CRACD: variants seen among roughly 807,000 people sequenced by gnomAD.
CRACD encodes the protein capping protein inhibiting regulator of actin dynamics.
Under a neutral mutation model 106.8 loss-of-function variants are expected in CRACD, and 56 were observed. The observed-to-expected ratio is 0.52, with a 90% CI of 0.42 to 0.66. The LOEUF (loss-of-function observed/expected upper bound fraction) is 0.66, where lower values mean the gene tolerates loss of function less well. Ranked by LOEUF, CRACD falls within the 30% of genes least tolerant of loss-of-function variation. The pLI, the probability that CRACD is intolerant of heterozygous loss-of-function variation, is 0.00. For missense variants in CRACD, 1,730 were observed against 1,623.2 expected (o/e 1.07, Z -1.13); for synonymous variants, 754 against 670.8 (o/e 1.12, Z -1.92).
chr4:56,076,544 T>C (rs919631372), intron 1 of CRACD, among the ~76,000 whole-genome samples: 1 of 152,352 alleles, frequency 6.6e-6, no homozygotes, highest in East Asian at 1.9e-4. Context: ...AATTTGAACC[T>C]CAGAATTGCT....
Position 56,324,254 on chromosome 4 carries a change from A to G in CRACD, c.3529A>G (p.Thr1177Ala). The G allele has an allele frequency of 1.9e-6, 3 of 1,613,150 alleles. No individual in the cohort carries two copies. The highest frequency in any genetic ancestry group is 1.7e-5 in the Admixed American group (1 of 59,918). Residue 1177 changes from threonine (T) to alanine (A), a missense_variant, in exon 10 of 11, where the codon ACG (threonine) becomes GCG (alanine). Physicochemically the swap from Thr to Ala is moderately conservative, Grantham distance 58. Coordinates refer to ENST00000682029, the MANE Select transcript of CRACD (RefSeq NM_001393381.1). ...EQLKKANTLP[T>A]SVTVEISDSA... ...GCTGAAAAAGGCCAATACTCTTCCT[A>G]CGTCTGTGACAGGTAGAGAGCAGGT...
intron 3 of CRACD, among the ~76,000 whole-genome samples, chr4:56,292,044 G>C (rs1410690158): frequency 6.6e-6 from 1 of 152,198 alleles, no homozygotes; most frequent in Non-Finnish European, 1.5e-5. Context: ...TAAAAATGCT[G>C]ATAGTTATAT....
intron 2 of CRACD, chr4:56,216,010 G>A (rs1452395330): frequency 6.6e-6 from 1 of 152,202 alleles, no homozygotes; most frequent in African/African-American, 2.4e-5. Context: ...GCCCACTGAC[G>A]GGAGTAGCCC....
At chr4:56,279,589 A>G (rs571614404) in intron 3 of CRACD, among the ~76,000 whole-genome samples, 1 of 152,310 alleles carries the variant, frequency 6.6e-6, no homozygotes, top group South Asian at 2.1e-4. Flanking sequence ...CAAAACCACA[A>G]TGAGATACCA....
intron 3 of CRACD, among the ~76,000 whole-genome samples, chr4:56,289,786 T>A (rs1743600161): frequency 6.6e-6 from 1 of 152,196 alleles, no homozygotes; most frequent in Non-Finnish European, 1.5e-5. Flanking sequence ...TCCTTTCTTG[T>A]CGTGATCTAG....
Position 56,284,292 on chromosome 4 carries a change from T to TAAAAAAAAA in CRACD, c.-17+11818_-17+11826dup, listed in dbSNP as rs59270238. Among the ~76,000 whole-genome samples the TAAAAAAAAA allele has an allele frequency of 8.1e-3, 368 of 45,454 alleles. 40 individuals carry two copies. The highest frequency in any genetic ancestry group is 0.029 in the East Asian group (24 of 832). 29.8% of individuals were successfully genotyped at this position (45,454 alleles called of 152,430 possible). A position where few individuals can be genotyped will look rare whatever the true frequency, so the allele number is the denominator to read the frequency against. On this transcript the variant is annotated intron_variant, in intron 3 of 10. Coordinates refer to ENST00000682029, the MANE Select transcript of CRACD (RefSeq NM_001393381.1). ...AACATAGTAAGAACCCATCCTAAAG[T>TAAAAAAAAA]AAAAAAAAAAAAAAAAAAAAAAAAA... is the stretch of plus-strand genomic sequence containing the variant.
Position 56,315,782 on chromosome 4 carries a change from GCCT to G in CRACD, c.2287_2289del (p.Pro763del). 1 of 1,614,226 alleles carries G rather than the reference GCCT, an allele frequency of 6.2e-7. No individual in the cohort carries two copies. Among genetic ancestry groups the G allele is most frequent in the Non-Finnish European group, 8.5e-7 (1 of 1,180,040 alleles). ...GACCCAGCGAAGAGACAGCCCCCCA[GCCT>G]CCTCCTGCTGGTGTTCGCGAGCTCG... On this transcript the variant is annotated inframe_deletion, in exon 8 of 11. Coordinates refer to ENST00000682029, the MANE Select transcript of CRACD (RefSeq NM_001393381.1). The surrounding 1 kb of genome is among the most constrained non-coding windows in gnomAD (Gnocchi z 4.1).
At chr4:56,323,195 C>G (rs1329760646) in intron 8 of CRACD, among the ~76,000 whole-genome samples, 182 bp from the exon 9 acceptor site, 2 of 152,116 alleles carry the variant, frequency 1.3e-5, no homozygotes, top group Non-Finnish European at 2.9e-5. Flanking sequence ...TTCTGGTGAT[C>G]AAACATGTTA....
chr4:56,152,596 C>T (rs1019750353), intron 1 of CRACD, among the ~76,000 whole-genome samples: 7 of 151,952 alleles, frequency 4.6e-5, no homozygotes, highest in African/African-American at 1.5e-4. Flanking sequence ...AATGCAGTAT[C>T]TGTCCAAAGA....
chr4:56,222,671 C>T (rs1326046308), intron 2 of CRACD, among the ~76,000 whole-genome samples: 1 of 152,168 alleles, frequency 6.6e-6, no homozygotes, highest in South Asian at 2.1e-4. Context: ...AAGGGCCAGG[C>T]GTGGTGAGTC....
chr4:56,108,954 G>A (rs1018894360), intron 1 of CRACD, among the ~76,000 whole-genome samples: 4 of 152,202 alleles, frequency 2.6e-5, no homozygotes, highest in Admixed American at 2.0e-4. Context: ...TTAGGCCTCC[G>A]GATGACTGCA....
chr4:56,111,493 A>G (rs1047095737), intron 1 of CRACD, among the ~76,000 whole-genome samples: 4 of 152,216 alleles, frequency 2.6e-5, no homozygotes, highest in East Asian at 3.8e-4. Flanking sequence ...TAAGTAAATA[A>G]AAGTGAAAAT....
At chr4:56,267,093 A>T (rs989449768) in intron 2 of CRACD, among the ~76,000 whole-genome samples, 1 of 151,730 alleles carries the variant, frequency 6.6e-6, no homozygotes, top group Non-Finnish European at 1.5e-5. Flanking sequence ...ATAATAAAAT[A>T]ACCATTAAAT....
chr4:56,226,974 A>G (rs1408103629), intron 2 of CRACD, among the ~76,000 whole-genome samples: 2 of 151,434 alleles, frequency 1.3e-5, no homozygotes, highest in African/African-American at 4.9e-5. Flanking sequence ...TTACACCATA[A>G]GTGGAAGTAG....
At chr4:56,147,999 C>T (rs1292944693) in intron 1 of CRACD, among the ~76,000 whole-genome samples, 2 of 152,130 alleles carry the variant, frequency 1.3e-5, no homozygotes, top group Non-Finnish European at 2.9e-5. Flanking sequence ...AGGTCAGAGA[C>T]ACAAGGGATG....
intron 2 of CRACD, among the ~76,000 whole-genome samples, chr4:56,190,359 G>T (rs1167385738): frequency 6.6e-6 from 1 of 152,090 alleles, no homozygotes; most frequent in African/African-American, 2.4e-5. Context: ...TGGGTCAAAT[G>T]CTATTTCTAG....
chr4:56,309,811 G>A (rs1394959448), intron 5 of CRACD, among the ~76,000 whole-genome samples: 1 of 152,040 alleles, frequency 6.6e-6, no homozygotes, highest in Admixed American at 6.6e-5. Flanking sequence ...CTGAGATCAC[G>A]GCACTGTACT....
intron 2 of CRACD, among the ~76,000 whole-genome samples, chr4:56,180,003 C>T (rs992139960): frequency 8.0e-5 from 12 of 150,878 alleles, no homozygotes; most frequent in African/African-American, 2.7e-4. Context: ...GGCAATAGAG[C>T]GAGACTCTGT....
chr4:56,068,828 TGA>T lies in CRACD; in HGVS notation c.-336+19530_-336+19531del, dbSNP rs750548310. ...TTAAGTGCTGTGGTGGGCTGAAGAGTGACCCTCGCCCCCTCCCCGAGACTCAT... is the reference window on the plus strand; with the variant it reads ...TTAAGTGCTGTGGTGGGCTGAAGAGTCCCTCGCCCCCTCCCCGAGACTCAT... On this transcript the variant is annotated intron_variant, in intron 1 of 10. Coordinates refer to ENST00000682029, the MANE Select transcript of CRACD (RefSeq NM_001393381.1). 4.6e-5 allele frequency among the ~76,000 whole-genome samples: 7 copies of T among 152,076 alleles called. 1 individual carries two copies. The East Asian group carries it at 1.4e-3, about 29-fold the overall frequency.
Sources: gnomAD v4.1 joint callset for allele counts (sites outside exome capture counted in the v4.1 genomes callset) on GRCh38, gnomAD v4.1.1 for gene constraint, Gnocchi (gnomAD v3.1) non-coding constraint, MANE v1.5 for transcripts, NCBI Gene and HGNC (gene_info 2026-07-23, HGNC 2026-07-21) for gene names.